Variants in MGLL observed in about 807,000 individuals in gnomAD.
The protein encoded by MGLL is lysophospholipase homolog.
A neutral mutation model predicts 29.1 loss-of-function variants in MGLL; 7 were observed. That is an observed-to-expected ratio of 0.24 (90% CI 0.14 to 0.45). The LOEUF is 0.45. MGLL is among the 20% of genes least tolerant of loss of function. MGLL has a pLI of 0.99. For missense variants in MGLL, 356 were observed against 413.6 expected, an observed-to-expected ratio of 0.86 and a Z score of 1.21; for synonymous variants, 148 against 168.3, an observed-to-expected ratio of 0.88 and a Z score of 0.93.
chr3:127,694,901 A>T (rs1287847358), intron 7 of MGLL, 74 bp downstream of exon 7: 3 of 1,483,636 alleles, frequency 2.0e-6, no homozygotes, highest in East Asian at 4.5e-5. Context: ...GTCTGGGCAG[A>T]TGTGCCCCAA....
At position 127,810,948 on chromosome 3, in the gene MGLL, A is replaced by T. The variant is rs1192710240; in HGVS notation, c.155+10746T>A. On this transcript the variant is annotated intron_variant, in intron 2 of 7. Coordinates refer to ENST00000265052, the MANE Select transcript of MGLL (RefSeq NM_007283.7). Reference sequence around the variant, plus strand: ...TCCCACTCGTAGATGCATTTCACACAGAGTTTTACAGCAAAGCTAACCAAA... The same window carrying T: ...TCCCACTCGTAGATGCATTTCACACTGAGTTTTACAGCAAAGCTAACCAAA... Among the ~76,000 whole-genome samples, 2 of 139,342 alleles carry T rather than the reference A, an allele frequency of 1.4e-5. 1 individual carries two copies. The highest frequency in any genetic ancestry group is 6.8e-5 in the African/African-American group (2 of 29,566). 91.4% of individuals were successfully genotyped at this position (139,342 alleles called of 152,430 possible).
intron 3 of MGLL, among the ~76,000 whole-genome samples, chr3:127,763,845 G>A (rs556698867): frequency 6.6e-5 from 10 of 152,306 alleles, no homozygotes; most frequent in Admixed American, 5.9e-4. Context: ...TTGTCCTCAA[G>A]GAGCAGCTAA....
chr3:127,739,417 C>A (rs1159530404), intron 3 of MGLL, among the ~76,000 whole-genome samples: 1 of 152,148 alleles, frequency 6.6e-6, no homozygotes, highest in Non-Finnish European at 1.5e-5. Flanking sequence ...AAAGTCAAAC[C>A]ACTCCTGCCA....
intron 3 of MGLL, among the ~76,000 whole-genome samples, chr3:127,773,651 A>G (rs2076985555): frequency 6.6e-6 from 1 of 152,184 alleles, no homozygotes; most frequent in South Asian, 2.1e-4. Flanking sequence ...CAACATGTGG[A>G]CTTGGGGGAG....
At chr3:127,725,813 C>T (rs2076019492) in intron 3 of MGLL, among the ~76,000 whole-genome samples, 1 of 152,116 alleles carries the variant, frequency 6.6e-6, no homozygotes, top group South Asian at 2.1e-4. Context: ...CATCTGTAAT[C>T]CCAGTGCTTT....
intron 3 of MGLL, among the ~76,000 whole-genome samples, chr3:127,760,282 A>G (rs890654118): frequency 4.6e-5 from 7 of 152,208 alleles, no homozygotes; most frequent in Non-Finnish European, 7.4e-5. Flanking sequence ...ACACACAGGT[A>G]TAAAGAGTAG....
intron 3 of MGLL, among the ~76,000 whole-genome samples, chr3:127,728,742 G>A (rs2076092559): frequency 6.6e-6 from 1 of 152,206 alleles, no homozygotes; most frequent in South Asian, 2.1e-4. Context: ...TATGTGCCTA[G>A]ATGCAGGATT....
At chr3:127,760,729 G>A (rs1224486138) in intron 3 of MGLL, among the ~76,000 whole-genome samples, 3 of 152,220 alleles carry the variant, frequency 2.0e-5, no homozygotes, top group East Asian at 1.9e-4. Context: ...TGGAACCTGC[G>A]GCTCTGCACC....
chr3:127,782,903 G>T (rs1437818749), intron 2 of MGLL, among the ~76,000 whole-genome samples: 1 of 152,078 alleles, frequency 6.6e-6, no homozygotes, highest in Non-Finnish European at 1.5e-5. Flanking sequence ...AGTTAAGTGA[G>T]TTGGGCCAGG....
At chr3:127,773,817 A>G (rs1170114808) in intron 3 of MGLL, among the ~76,000 whole-genome samples, 1 of 152,036 alleles carries the variant, frequency 6.6e-6, no homozygotes, top group African/African-American at 2.4e-5. Flanking sequence ...TGTTGCTTTT[A>G]TCTCTGTGTC....
At chr3:127,720,549 A>G (rs1274392119) in intron 5 of MGLL, among the ~76,000 whole-genome samples, 1 of 152,126 alleles carries the variant, frequency 6.6e-6, no homozygotes, top group Non-Finnish European at 1.5e-5. Flanking sequence ...TATCATTCCT[A>G]TGGGTCATTC....
chr3:127,793,305 G>A lies in MGLL; in HGVS notation c.156-11410C>T, dbSNP rs141934708. On this transcript the variant is annotated intron_variant, in intron 2 of 7. Coordinates refer to ENST00000265052, the MANE Select transcript of MGLL (RefSeq NM_007283.7). ...CTGGCTTGGCAGAATTGCTAAAACT[G>A]CAGGTTAAAAATCCCCAATTGGCAT... Among the ~76,000 whole-genome samples the A allele has an allele frequency of 3.6e-3, 545 of 152,328 alleles. 3 individuals carry two copies. Among genetic ancestry groups the A allele is most frequent in the Non-Finnish European group, 5.9e-3 (404 of 68,030 alleles).
At chr3:127,732,535 C>T (rs902299645) in intron 3 of MGLL, among the ~76,000 whole-genome samples, 1 of 152,052 alleles carries the variant, frequency 6.6e-6, no homozygotes, top group African/African-American at 2.4e-5. Flanking sequence ...AAAGAACCCG[C>T]TGTGTGAAAA....
intron 2 of MGLL, among the ~76,000 whole-genome samples, chr3:127,785,642 C>T (rs769159628): frequency 6.6e-6 from 1 of 152,230 alleles, no homozygotes; most frequent in Non-Finnish European, 1.5e-5. Flanking sequence ...CGCCTGATGG[C>T]CCTTGGCCTG....
chr3:127,785,417 G>C (rs925871423), intron 2 of MGLL, among the ~76,000 whole-genome samples: 1 of 152,258 alleles, frequency 6.6e-6, no homozygotes, highest in Non-Finnish European at 1.5e-5. Flanking sequence ...TTCACCACTG[G>C]ATGCTGGGCA....
intron 3 of MGLL, among the ~76,000 whole-genome samples, chr3:127,769,915 C>T (rs963569429): frequency 3.9e-5 from 6 of 152,194 alleles, no homozygotes; most frequent in East Asian, 1.9e-4. Context: ...GACCGGCGCG[C>T]GCCATGGCTG....
intron 3 of MGLL, among the ~76,000 whole-genome samples, chr3:127,773,773 G>T (rs2076987911): frequency 6.6e-6 from 1 of 152,104 alleles, no homozygotes; most frequent in Non-Finnish European, 1.5e-5. Flanking sequence ...GCCACTGTTG[G>T]GCCTTCCCTG....
At chr3:127,726,151 A>G (rs1320117522) in intron 3 of MGLL, among the ~76,000 whole-genome samples, 1 of 27,980 alleles carries the variant, frequency 3.6e-5, no homozygotes, top group Non-Finnish European at 8.4e-5. Context: ...AAAGAAAGAA[A>G]GAAAGAAAGA....
At chr3:127,765,264 TG>T (rs1056071136) in intron 3 of MGLL, among the ~76,000 whole-genome samples, 1 of 152,246 alleles carries the variant, frequency 6.6e-6, no homozygotes, top group Non-Finnish European at 1.5e-5. Context: ...CGGCTTCTTC[TG>T]GGGACCTAGA....
Sources: gnomAD v4.1 joint callset for allele counts (sites outside exome capture counted in the v4.1 genomes callset) on GRCh38, gnomAD v4.1.1 for gene constraint, MANE v1.5 for transcripts, NCBI Gene and HGNC (gene_info 2026-07-23, HGNC 2026-07-21) for gene names.